The following NDUFS7 variants were observed in gnomAD, a reference collection of about 807,000 sequenced individuals.
NDUFS7 encodes the protein NADH:ubiquinone oxidoreductase core subunit S7.
A neutral mutation model predicts 31.1 loss-of-function variants in NDUFS7; 11 were observed. The ratio of observed to expected loss-of-function variants is 0.35; its 90% confidence interval spans 0.22 to 0.59. The LOEUF (loss-of-function observed/expected upper bound fraction) is 0.59, where lower values mean the gene tolerates loss of function less well. Ranked by LOEUF, NDUFS7 falls within the 20% of genes least tolerant of loss-of-function variation. The probability of loss-of-function intolerance (pLI) is 0.79; values close to 1 mark genes in which losing one functional copy is unlikely to be tolerated. For synonymous variants in NDUFS7, 136 were observed against 127.9 expected (o/e 1.06, Z -0.43); for missense variants, 263 against 324.2 (o/e 0.81, Z 1.45).
intron 1 of NDUFS7, chr19:1,387,236 A>C (rs1420058195): frequency 5.9e-6 from 1 of 168,300 alleles, no homozygotes; most frequent in Non-Finnish European, 1.3e-5. Flanking sequence ...CACCCAGCAC[A>C]CGCTTGTCAG....
rs200997964 is a variant in NDUFS7 at position 1,387,826 on chromosome 19, G to T, written c.32G>T (p.Gly11Val). MAVLSAPGLR[G>V]FRILGLRSSV... is the part of the protein sequence containing the mutation. ...CTCTCTGCAGCTCCTGGCCTGCGCGGCTTCCGGATCCTTGGTCTGCGGTGA... is the reference window on the plus strand; with the variant it reads ...CTCTCTGCAGCTCCTGGCCTGCGCGTCTTCCGGATCCTTGGTCTGCGGTGA... The change falls in exon 2 of 8, where the codon GGC becomes GTC. Residue 11 changes from glycine (G) to valine (V), a missense_variant. Gly to Val is a moderately radical substitution (Grantham distance 109). Transcript: ENST00000233627. 1 of 1,610,916 alleles carries T rather than the reference G, an allele frequency of 6.2e-7. No individual in the cohort carries two copies. Among genetic ancestry groups the T allele is most frequent in the Non-Finnish European group, 8.5e-7 (1 of 1,179,770 alleles).
At position 1,389,840 on chromosome 19, in the gene NDUFS7, G is replaced by C. The variant is rs150885221; in HGVS notation, c.228+902G>C. On this transcript the variant is annotated intron_variant, in intron 4 of 7. Transcript: ENST00000233627. ...CAATGCCACGGCGAACGTCCTGCCA[G>C]GGCCGCAGTGGTCGAGACAAGGATA... 9.6e-5 allele frequency: 30 copies of C among 311,254 alleles called. No individual in the cohort carries two copies. In the East Asian group the frequency reaches 1.7e-3, roughly 18 times the overall value. The allele number at this position is 311,254 out of a possible 1,614,324, so 19.3% of individuals were successfully genotyped here. A position where few individuals can be genotyped will look rare whatever the true frequency, so the allele number is the denominator to read the frequency against.
chr19:1,387,902 C>G (rs1012536472), intron 2 of NDUFS7, 55 bp downstream of exon 2: 18 of 293,202 alleles, frequency 6.1e-5, no homozygotes, highest in South Asian at 2.6e-4. Context: ...CAGCGACAGA[C>G]GAACGGGGCG....
chr19:1,395,078 T>G, intron 7 of NDUFS7: 32 of 1,262,344 alleles, frequency 2.5e-5, no homozygotes, highest in East Asian at 1.6e-4. Flanking sequence ...CTGGCCCCCA[T>G]TGAGTCCTGA....
chr19:1,385,644 C>A (rs536929268), intron 1 of NDUFS7, among the ~76,000 whole-genome samples: 1 of 152,228 alleles, frequency 6.6e-6, no homozygotes, highest in Admixed American at 6.5e-5. Flanking sequence ...CATGGAGAAA[C>A]CCTGTCTCTA....
rs1453396829 is a variant in NDUFS7 at position 1,393,302 on chromosome 19, C to A, written c.516C>A (p.Arg172=). ...ACTCGGTGGTGAGGGGCTGCGACCG[C>A]ATCGTGCCCGTGGACATCTACATCC... ...YSYSVVRGCD[R]IVPVDIYIPG... The change falls in exon 7 of 8, where the codon CGC becomes CGA. Residue 172 remains arginine, a synonymous_variant. Coordinates refer to ENST00000233627, the MANE Select transcript of NDUFS7 (RefSeq NM_024407.5). The surrounding 1 kb of genome is among the most constrained non-coding windows in gnomAD (Gnocchi z 7.3). The A allele has an allele frequency of 1.9e-6, 3 of 1,587,718 alleles. No individual in the cohort carries two copies. The highest frequency in any genetic ancestry group is 2.6e-6 in the Non-Finnish European group (3 of 1,168,280).
At chr19:1,392,951 T>C in intron 6 of NDUFS7, 1 of 505,992 alleles carries the variant, frequency 2.0e-6, no homozygotes, top group African/African-American at 1.9e-5. Context: ...GGCTTTTTGT[T>C]GACACATGTG....
At chr19:1,391,483 T>G (rs1410386539) in intron 6 of NDUFS7, among the ~76,000 whole-genome samples, 5 of 127,094 alleles carry the variant, frequency 3.9e-5, no homozygotes, top group Admixed American at 9.2e-5. Flanking sequence ...ATTAGTTTTT[T>G]TTCTTTTTTT....
At position 1,388,818 on chromosome 19, in the gene NDUFS7, G is replaced by GTGTCTC; in HGVS notation, c.123-11_123-6dup. 1 of 1,581,558 alleles carries GTGTCTC rather than the reference G, an allele frequency of 6.3e-7. No homozygotes were observed. Among genetic ancestry groups the GTGTCTC allele is most frequent in the East Asian group, 2.3e-5 (1 of 43,350 alleles). On this transcript the variant is annotated splice_polypyrimidine_tract_variant and intron_variant, in intron 3 of 7. Coordinates refer to ENST00000233627, the MANE Select transcript of NDUFS7 (RefSeq NM_024407.5). ...CGTGGCTGACGCCTCCTGTGCCCGT[G>GTGTCTC]TGTCTCTGTGCCAGCACCCAGCCTG...
At chr19:1,387,642 ACT>A (rs1040685420) in intron 1 of NDUFS7, 167 bp from the exon 2 acceptor site, 5 of 663,326 alleles carry the variant, frequency 7.5e-6, no homozygotes, top group East Asian at 2.8e-5. Flanking sequence ...GGGGACTAAG[ACT>A]CTCTCGTGTT....
chr19:1,393,580 G>T lies in NDUFS7; in HGVS notation c.544+250G>T. 1.6e-6 allele frequency: 1 copy of T among 633,320 alleles called. No homozygotes were observed. Among genetic ancestry groups the T allele is most frequent in the Admixed American group, 2.3e-5 (1 of 42,740 alleles). 39.2% of individuals were successfully genotyped at this position (633,320 alleles called of 1,614,324 possible). A position where few individuals can be genotyped will look rare whatever the true frequency, so the allele number is the denominator to read the frequency against. On this transcript the variant is annotated intron_variant, in intron 7 of 7. Transcript: ENST00000233627. This position sits in a 1 kb window ranked among gnomAD's most constrained non-coding sequence, Gnocchi z 7.3. ...GAGTGGAATTCCTGACACACGCCTG[G>T]TTTACAGCAGTTTCATATGGTCCTA...
chr19:1,394,361 C>T (rs756035868), intron 7 of NDUFS7: 108 of 1,288,272 alleles, frequency 8.4e-5, no homozygotes, highest in Non-Finnish European at 1.0e-4. Flanking sequence ...TCTTCCCCTG[C>T]AGTGCAGACC....
intron 3 of NDUFS7, 109 bp downstream of exon 3, chr19:1,388,702 G>C (rs1420749947): frequency 7.0e-7 from 1 of 1,423,370 alleles, no homozygotes; most frequent in South Asian, 1.2e-5. Context: ...GGGGCAGGGA[G>C]GGGGTCACAC....
chr19:1,389,039 C>A, intron 4 of NDUFS7, 101 bp downstream of exon 4: 2 of 962,760 alleles, frequency 2.1e-6, no homozygotes, highest in South Asian at 1.4e-5. Context: ...CGTACACACA[C>A]AACACATGCA....
chr19:1,384,989 AT>A (rs2082498063), intron 1 of NDUFS7, among the ~76,000 whole-genome samples: 1 of 151,836 alleles, frequency 6.6e-6, no homozygotes. Context: ...TAGTTTTTGT[AT>A]TTTTAGTAGA....
chr19:1,394,208 T>A, intron 7 of NDUFS7: 1 of 427,414 alleles, frequency 2.3e-6, no homozygotes, highest in Non-Finnish European at 4.1e-6. Context: ...TCCGCTTCCC[T>A]GGAAAGGGCG....
chr19:1,391,283 G>A (rs952571597), intron 6 of NDUFS7, 118 bp downstream of exon 6: 18 of 1,314,276 alleles, frequency 1.4e-5, no homozygotes, highest in Middle Eastern at 2.6e-4. Context: ...ACGTGGTCCC[G>A]GCGCTGCCCT....
chr19:1,385,165 TA>T (rs1351778086), intron 1 of NDUFS7, among the ~76,000 whole-genome samples: 1 of 152,304 alleles, frequency 6.6e-6, no homozygotes, highest in African/African-American at 2.4e-5. Flanking sequence ...CAAAGACATA[TA>T]TATTTTTTTA....
chr19:1,389,897 C>A (rs1319255116), intron 4 of NDUFS7: 2 of 201,272 alleles, frequency 9.9e-6, no homozygotes, highest in Non-Finnish European at 2.0e-5. Context: ...TTTTCTTTTT[C>A]TTTTCTTTTC....
Sources: allele counts gnomAD v4.1 joint callset (sites outside exome capture counted in the v4.1 genomes callset), GRCh38; gene constraint gnomAD v4.1.1; non-coding constraint Gnocchi (gnomAD v3.1); transcripts MANE v1.5; gene names NCBI Gene and HGNC (gene_info 2026-07-23, HGNC 2026-07-21).